Variants in CALN1 observed in about 807,000 individuals in gnomAD.
CALN1 encodes the protein calneuron 1, also known as calcium-binding protein 8.
A neutral mutation model predicts 30.6 loss-of-function variants in CALN1; 17 were observed. That is an observed-to-expected ratio of 0.56 (90% confidence interval 0.38 to 0.83). The LOEUF (loss-of-function observed/expected upper bound fraction) is 0.83. Among genes scored for constraint, CALN1 ranks in the 40% least tolerant of loss-of-function variants. The pLI is 0.00. For missense variants in CALN1, 291 were observed against 354.9 expected, an observed-to-expected ratio of 0.82 and a Z score of 1.45; for synonymous variants, 156 against 131.4, an observed-to-expected ratio of 1.19 and a Z score of -1.28.
chr7:72,314,116 G>A (rs981397295), intron 2 of CALN1, among the ~76,000 whole-genome samples: 1 of 152,102 alleles, frequency 6.6e-6, no homozygotes, highest in African/African-American at 2.4e-5. Flanking sequence ...GCTGGAGTGA[G>A]GTGTCGGTCG....
chr7:72,307,985 A>C (rs1380702862), intron 2 of CALN1, among the ~76,000 whole-genome samples: 1 of 152,202 alleles, frequency 6.6e-6, no homozygotes, highest in Non-Finnish European at 1.5e-5. Flanking sequence ...TAACCTTCAC[A>C]AAGACACGGT....
intron 3 of CALN1, among the ~76,000 whole-genome samples, chr7:72,116,626 C>A (rs939874829): frequency 2.0e-5 from 3 of 152,110 alleles, no homozygotes; most frequent in African/African-American, 7.2e-5. Flanking sequence ...GCCAGCCATA[C>A]CTCCAAGTTA....
At chr7:72,176,131 C>T (rs1391238405) in intron 3 of CALN1, among the ~76,000 whole-genome samples, 10 of 152,162 alleles carry the variant, frequency 6.6e-5, no homozygotes, top group African/African-American at 2.4e-4. Context: ...TAAGAGAGAG[C>T]ACCTGACCTA....
intron 3 of CALN1, among the ~76,000 whole-genome samples, chr7:72,199,702 C>G (rs1167129453): frequency 1.3e-5 from 2 of 152,086 alleles, no homozygotes; most frequent in East Asian, 3.9e-4. Context: ...AAAAAATTAG[C>G]CAGGCGTAGT....
intron 1 of CALN1, among the ~76,000 whole-genome samples, chr7:72,409,848 A>C (rs1806990659): frequency 6.6e-6 from 1 of 151,874 alleles, no homozygotes; most frequent in Non-Finnish European, 1.5e-5. Context: ...GCATCAAGTT[A>C]CAGTCTTTTC....
At chr7:72,479,384 T>A in the CALN1 span, among the ~76,000 whole-genome samples, 1 of 152,152 alleles carries the variant, frequency 6.6e-6, no homozygotes, top group Non-Finnish European at 1.5e-5. Context: ...AGACAGATGA[T>A]TTTTTATTTT....
Position 72,191,552 on chromosome 7 carries a change from C to CAAAAA in CALN1, c.245-85263_245-85259dup, listed in dbSNP as rs55780039. Among the ~76,000 whole-genome samples the CAAAAA allele has an allele frequency of 1.7e-4, 12 of 72,480 alleles. 2 individuals carry two copies. The East Asian group carries it at 5.0e-3, about 30-fold the overall frequency. The allele number at this position is 72,480 out of a possible 152,430, so 47.5% of individuals were successfully genotyped here. ...AGGAGGCAGAGGTGAGACTCCGTCTCAAAAAAAAAAAAAAAAAAAAAAAAA... is the reference window on the plus strand; with the variant it reads ...AGGAGGCAGAGGTGAGACTCCGTCTCAAAAAAAAAAAAAAAAAAAAAAAAAAAAAA... On this transcript the variant is annotated intron_variant, in intron 3 of 6. Coordinates refer to ENST00000395275, the MANE Select transcript of CALN1 (RefSeq NM_031468.4).
At chr7:72,110,551 C>T (rs1024592887) in intron 3 of CALN1, among the ~76,000 whole-genome samples, 2 of 152,100 alleles carry the variant, frequency 1.3e-5, no homozygotes, top group African/African-American at 2.4e-5. Context: ...CTTCTTTATT[C>T]TCTATTTGCA....
intron 3 of CALN1, among the ~76,000 whole-genome samples, chr7:72,159,388 A>T (rs1450133270): frequency 6.6e-6 from 1 of 152,152 alleles, no homozygotes; most frequent in South Asian, 2.1e-4. Flanking sequence ...TAATCCAGCT[A>T]CTTCAGAGGC....
At chr7:72,237,900 C>G (rs1043105677) in intron 3 of CALN1, among the ~76,000 whole-genome samples, 1 of 152,220 alleles carries the variant, frequency 6.6e-6, no homozygotes, top group Admixed American at 6.5e-5. Context: ...CCTGCAACAT[C>G]ATGGCTCTTT....
At chr7:72,449,592 G>C (rs1395261456), upstream of CALN1, among the ~76,000 whole-genome samples, 1 of 152,184 alleles carries the variant, frequency 6.6e-6, no homozygotes, top group African/African-American at 2.4e-5. Flanking sequence ...CTGCCGTCAG[G>C]CTGGGCGCGG....
At chr7:72,409,809 G>A (rs1304388784) in intron 1 of CALN1, among the ~76,000 whole-genome samples, 1 of 152,076 alleles carries the variant, frequency 6.6e-6, no homozygotes, top group African/African-American at 2.4e-5. Context: ...AATCACCAAG[G>A]AACGTTCCCT....
intron 4 of CALN1, among the ~76,000 whole-genome samples, chr7:72,060,770 G>A (rs982648183): frequency 1.3e-5 from 2 of 152,042 alleles, no homozygotes; most frequent in African/African-American, 4.8e-5. Flanking sequence ...GATCTCCCCC[G>A]TCTCTCATGC....
chr7:72,260,457 G>A (rs7800217), intron 3 of CALN1, among the ~76,000 whole-genome samples: 54,424 of 152,096 alleles, frequency 0.36, 10,694 homozygotes, highest in Middle Eastern at 0.55. Context: ...CTTCAGAGTT[G>A]GGCTGCTAGG....
intron 5 of CALN1, among the ~76,000 whole-genome samples, chr7:71,975,012 C>T (rs1015957213): frequency 6.6e-5 from 10 of 152,282 alleles, no homozygotes; most frequent in East Asian, 3.9e-4. Flanking sequence ...CACAGCAGGG[C>T]GGCACATCAG....
At chr7:72,210,343 G>T (rs561907179) in intron 3 of CALN1, among the ~76,000 whole-genome samples, 1 of 152,266 alleles carries the variant, frequency 6.6e-6, no homozygotes, top group South Asian at 2.1e-4. Flanking sequence ...TTTGTGCTAA[G>T]ATTTTGTGCT....
In CALN1 at chr7:71,984,328, C is replaced by T. The variant is rs145390371; in HGVS notation, c.501+39329G>A. 2.5e-3 allele frequency among the ~76,000 whole-genome samples: 388 copies of T among 152,228 alleles called. 3 individuals carry two copies. The highest frequency in any genetic ancestry group is 9.1e-3 in the African/African-American group (377 of 41,550). On this transcript the variant is annotated intron_variant, in intron 5 of 6. Coordinates refer to ENST00000395275, the MANE Select transcript of CALN1 (RefSeq NM_031468.4). ...GTAGAATTAAATGCTTGATCAAAGTCGCAAGGTGTGTAAGCCACTCCTGGT... is the reference window on the plus strand; with the variant it reads ...GTAGAATTAAATGCTTGATCAAAGTTGCAAGGTGTGTAAGCCACTCCTGGT...
chr7:71,954,465 C>A (rs1050743271), intron 5 of CALN1, among the ~76,000 whole-genome samples: 2 of 151,334 alleles, frequency 1.3e-5, no homozygotes, highest in Non-Finnish European at 2.9e-5. Flanking sequence ...ATCTCGAAAA[C>A]TTAAAATTAA....
intron 1 of CALN1, among the ~76,000 whole-genome samples, chr7:72,410,230 A>C (rs974086958): frequency 5.3e-5 from 8 of 152,190 alleles, no homozygotes; most frequent in African/African-American, 1.9e-4. Context: ...GAGGTTGTCA[A>C]ATCTACTTAA....
Sources: allele counts gnomAD v4.1 joint callset (sites outside exome capture counted in the v4.1 genomes callset), GRCh38; gene constraint gnomAD v4.1.1; transcripts MANE v1.5; gene names NCBI Gene and HGNC (gene_info 2026-07-23, HGNC 2026-07-21).